Variants in CCDC192 observed in about 807,000 individuals in gnomAD.
CCDC192 encodes the protein coiled-coil domain containing 192.
intron 5 of CCDC192, among the ~76,000 whole-genome samples, chr5:127,872,284 C>T (rs1751896148): frequency 6.6e-6 from 1 of 152,232 alleles, no homozygotes; most frequent in Non-Finnish European, 1.5e-5. Context: ...TTCATTTTCT[C>T]CTCCCTTATA....
At chr5:127,843,657 C>T (rs1042782257) in intron 5 of CCDC192, among the ~76,000 whole-genome samples, 3 of 152,034 alleles carry the variant, frequency 2.0e-5, no homozygotes, top group Non-Finnish European at 2.9e-5. Context: ...GGGCTGGTCT[C>T]GAACTCCTGA....
intron 5 of CCDC192, among the ~76,000 whole-genome samples, chr5:127,872,347 C>T (rs114791842): frequency 0.016 from 2,450 of 152,244 alleles, 57 homozygotes; most frequent in African/African-American, 0.055. Context: ...TTCTAAGGGA[C>T]GCACAGGCTT....
chr5:127,923,704 A>G (rs17164505), intron 6 of CCDC192, among the ~76,000 whole-genome samples: 21,550 of 151,786 alleles, frequency 0.14, 3,643 homozygotes, highest in African/African-American at 0.39. Flanking sequence ...CAATCATGGC[A>G]TTGATTTTTT....
At chr5:127,711,568 A>G (rs540408608) in intron 2 of CCDC192, among the ~76,000 whole-genome samples, 2 of 152,294 alleles carry the variant, frequency 1.3e-5, no homozygotes, top group East Asian at 3.9e-4. Context: ...CTGGAAACAT[A>G]CATTTGGTCA....
intron 5 of CCDC192, among the ~76,000 whole-genome samples, chr5:127,869,053 T>C (rs1409356891): frequency 2.0e-5 from 3 of 152,208 alleles, no homozygotes; most frequent in Non-Finnish European, 2.9e-5. Context: ...CCGGGCACGC[T>C]GGCTCATGCC....
At chr5:127,888,070 A>G (rs994711424) in intron 6 of CCDC192, among the ~76,000 whole-genome samples, 14 of 151,912 alleles carry the variant, frequency 9.2e-5, no homozygotes, top group African/African-American at 3.4e-4. Context: ...CATATTTTTA[A>G]TTTTCAATTT....
intron 3 of CCDC192, among the ~76,000 whole-genome samples, chr5:127,790,202 G>A (rs892791798): frequency 6.6e-6 from 1 of 152,130 alleles, no homozygotes; most frequent in East Asian, 1.9e-4. Context: ...GCCGTGATAG[G>A]TTTTGGATGT....
At chr5:127,732,493 G>A (rs560371463) in intron 2 of CCDC192, among the ~76,000 whole-genome samples, 35 of 152,278 alleles carry the variant, frequency 2.3e-4, no homozygotes, top group Non-Finnish European at 3.2e-4. Flanking sequence ...CCATTACTAG[G>A]TATATACCCA....
At chr5:127,874,128 T>A (rs1012940089) in intron 5 of CCDC192, among the ~76,000 whole-genome samples, 3 of 152,144 alleles carry the variant, frequency 2.0e-5, no homozygotes, top group Non-Finnish European at 4.4e-5. Context: ...TAATAATTAG[T>A]GCCACCTCTT....
At chr5:127,929,982 T>A (rs927908590) in intron 6 of CCDC192, among the ~76,000 whole-genome samples, 1 of 152,124 alleles carries the variant, frequency 6.6e-6, no homozygotes, top group African/African-American at 2.4e-5. Flanking sequence ...GGCAGGCAAA[T>A]CACTTGAGGT....
chr5:127,787,228 T>TCC (rs1384930130), intron 3 of CCDC192, among the ~76,000 whole-genome samples: 1 of 152,082 alleles, frequency 6.6e-6, no homozygotes, highest in African/African-American at 2.4e-5. Context: ...CCCAAAAGGC[T>TCC]CCCCTGATGC....
chr5:127,759,885 C>A (rs1754815994), intron 3 of CCDC192, among the ~76,000 whole-genome samples: 1 of 152,142 alleles, frequency 6.6e-6, no homozygotes, highest in Non-Finnish European at 1.5e-5. Flanking sequence ...AGTTCTTTAA[C>A]CTTGTCTTTC....
intron 2 of CCDC192, among the ~76,000 whole-genome samples, chr5:127,748,950 A>G (rs1031938013): frequency 6.6e-6 from 1 of 152,118 alleles, no homozygotes; most frequent in Non-Finnish European, 1.5e-5. Context: ...ATTTTTGCAC[A>G]TTGATTTTGT....
At chr5:127,730,299 T>C (rs545503494) in intron 2 of CCDC192, among the ~76,000 whole-genome samples, 26 of 152,312 alleles carry the variant, frequency 1.7e-4, no homozygotes, top group Admixed American at 1.5e-3. Context: ...CCTGGACATA[T>C]ATATCCTCCC....
chr5:127,887,538 G>A (rs949174116), intron 6 of CCDC192, among the ~76,000 whole-genome samples: 3 of 152,004 alleles, frequency 2.0e-5, no homozygotes, highest in South Asian at 4.2e-4. Context: ...GCTCTTCAGA[G>A]TAAATAGGTT....
chr5:127,876,878 T>C (rs965305337), intron 6 of CCDC192, among the ~76,000 whole-genome samples: 1 of 152,328 alleles, frequency 6.6e-6, no homozygotes, highest in South Asian at 2.1e-4. Flanking sequence ...CCATGTAACA[T>C]TGTGAACTTG....
intron 5 of CCDC192, among the ~76,000 whole-genome samples, chr5:127,860,269 AC>A (rs1487951012): frequency 6.6e-6 from 1 of 152,238 alleles, no homozygotes; most frequent in Non-Finnish European, 1.5e-5. Flanking sequence ...GGCATATAGT[AC>A]ATACTCCATA....
At chr5:127,737,404 C>A (rs1753085101) in intron 2 of CCDC192, among the ~76,000 whole-genome samples, 1 of 152,024 alleles carries the variant, frequency 6.6e-6, no homozygotes. Context: ...AATGTATATT[C>A]TGTTGATTTG....
At chr5:127,705,028 AT>A (rs200208531) in intron 1 of CCDC192, among the ~76,000 whole-genome samples, 1,963 of 152,320 alleles carry the variant, frequency 0.013, 104 homozygotes, top group Admixed American at 0.095. Context: ...AAAATGCCGT[AT>A]CATTACTCCC....
Sources: allele counts gnomAD v4.1 joint callset (sites outside exome capture counted in the v4.1 genomes callset), GRCh38; gene constraint gnomAD v4.1.1; transcripts MANE v1.5; gene names NCBI Gene and HGNC (gene_info 2026-07-23, HGNC 2026-07-21).